The following PTPRK variants were observed in gnomAD, a reference collection of about 807,000 sequenced individuals.
PTPRK encodes receptor-type tyrosine-protein phosphatase kappa.
Under a neutral mutation model 178.0 loss-of-function variants are expected in PTPRK, and 75 were observed. The observed-to-expected ratio is 0.42, with a 90% confidence interval of 0.35 to 0.51. The LOEUF is 0.51. Ranked by LOEUF, PTPRK falls within the 20% of genes least tolerant of loss-of-function variation. The pLI is 0.02. For missense variants in PTPRK, 1,441 were observed against 1,797.8 expected (o/e 0.80, Z 3.59); for synonymous variants, 637 against 620.6 (o/e 1.03, Z -0.39).
intron 3 of PTPRK, among the ~76,000 whole-genome samples, chr6:128,316,860 G>A (rs1285579610): frequency 6.6e-6 from 1 of 151,816 alleles, no homozygotes; most frequent in Non-Finnish European, 1.5e-5. Flanking sequence ...GGGATTACAG[G>A]CACCCGCCAC....
chr6:128,172,646 T>A (rs931713820), intron 7 of PTPRK, among the ~76,000 whole-genome samples: 39 of 150,894 alleles, frequency 2.6e-4, no homozygotes, highest in African/African-American at 9.6e-4. Flanking sequence ...ATATATATAA[T>A]GTGTATATAT....
At chr6:128,104,020 G>A (rs1375874693) in intron 7 of PTPRK, among the ~76,000 whole-genome samples, 6 of 152,116 alleles carry the variant, frequency 3.9e-5, no homozygotes, top group Non-Finnish European at 7.4e-5. Context: ...CCCAAGCAGG[G>A]CCTTTGTACC....
intron 1 of PTPRK, among the ~76,000 whole-genome samples, chr6:128,493,478 C>T (rs764366429): frequency 1.3e-5 from 2 of 151,454 alleles, no homozygotes; most frequent in East Asian, 2.0e-4. Flanking sequence ...AGGAGAATGG[C>T]GTGAACCCGG....
intron 6 of PTPRK, among the ~76,000 whole-genome samples, chr6:128,194,620 A>G (rs754059844): frequency 2.0e-5 from 3 of 152,226 alleles, no homozygotes; most frequent in Non-Finnish European, 2.9e-5. Context: ...AATAACAATC[A>G]AGTCAGCAAT....
chr6:128,322,279 G>A lies in PTPRK; in HGVS notation c.255C>T (p.His85=), dbSNP rs147417188. Residue 85 remains histidine (H), a synonymous_variant, in exon 3 of 30, where the codon CAC becomes CAT. Coordinates refer to ENST00000368226, the MANE Select transcript of PTPRK (RefSeq NM_002844.4). ...GAAGTCTGGCTTTTTCTCCAGGGTC[G>A]TGATCTGAAGAGTCCACTATCATAT... is the stretch of plus-strand genomic sequence containing the variant. The part of the protein sequence containing the change: ...GSYMIVDSSD[H]DPGEKARLQL... The A allele has an allele frequency of 2.4e-5, 38 of 1,599,690 alleles. No individual in the cohort carries two copies. The highest frequency in any genetic ancestry group is 4.5e-5 in the East Asian group (2 of 44,796).
intron 2 of PTPRK, among the ~76,000 whole-genome samples, chr6:128,342,324 A>C (rs893594259): frequency 6.6e-6 from 1 of 152,172 alleles, no homozygotes; most frequent in Non-Finnish European, 1.5e-5. Context: ...AAAAATTTTT[A>C]AGTTATAGAA....
intron 21 of PTPRK, 128 bp from the exon 22 acceptor site, chr6:127,986,003 C>T: frequency 1.2e-6 from 1 of 829,658 alleles, no homozygotes; most frequent in Non-Finnish European, 1.7e-6. Context: ...AAGACTATGC[C>T]TTTTCTTAAA....
chr6:128,107,756 C>T (rs1461933066), intron 7 of PTPRK, among the ~76,000 whole-genome samples: 1 of 152,078 alleles, frequency 6.6e-6, no homozygotes, highest in Non-Finnish European at 1.5e-5. Flanking sequence ...TGAAGATTTT[C>T]AAGTGTCTCT....
chr6:128,404,618 T>C (rs1841436183), intron 1 of PTPRK, among the ~76,000 whole-genome samples: 1 of 152,212 alleles, frequency 6.6e-6, no homozygotes, highest in Non-Finnish European at 1.5e-5. Context: ...CAAGTTGGAA[T>C]TCAAAAATAA....
intron 14 of PTPRK, chr6:128,005,909 T>C (rs1290406696): frequency 2.2e-5 from 15 of 691,288 alleles, no homozygotes; most frequent in Non-Finnish European, 3.3e-5. Flanking sequence ...TTTTAGAGTC[T>C]GAAAAAACTT....
At chr6:128,245,013 GATA>G (rs1815196189) in intron 3 of PTPRK, among the ~76,000 whole-genome samples, 1 of 152,158 alleles carries the variant, frequency 6.6e-6, no homozygotes, top group African/African-American at 2.4e-5. Context: ...TGACTGGGCT[GATA>G]ATAAGTTACA....
intron 3 of PTPRK, among the ~76,000 whole-genome samples, chr6:128,297,633 C>T (rs1195834902): frequency 6.6e-6 from 1 of 152,086 alleles, no homozygotes; most frequent in Non-Finnish European, 1.5e-5. Context: ...CTACTGGGTA[C>T]ATAACAAAAT....
intron 13 of PTPRK, among the ~76,000 whole-genome samples, chr6:128,030,972 A>C (rs1374615202): frequency 6.6e-6 from 1 of 152,240 alleles, no homozygotes; most frequent in Non-Finnish European, 1.5e-5. Flanking sequence ...AAATTACACT[A>C]AATGACATGA....
chr6:127,976,510 C>A, intron 27 of PTPRK, 147 bp downstream of exon 27: 1 of 992,800 alleles, frequency 1.0e-6, no homozygotes, highest in South Asian at 1.7e-5. Flanking sequence ...TATTCGAGTA[C>A]TAAGGCATAA....
At chr6:128,352,635 T>C (rs189754324) in intron 2 of PTPRK, among the ~76,000 whole-genome samples, 56 of 152,260 alleles carry the variant, frequency 3.7e-4, no homozygotes, top group African/African-American at 1.3e-3. Flanking sequence ...CATGTGGAGT[T>C]CCCTCTGCAT....
chr6:128,108,112 AC>A (rs1210300506), intron 7 of PTPRK, among the ~76,000 whole-genome samples: 1 of 149,832 alleles, frequency 6.7e-6, no homozygotes, highest in Non-Finnish European at 1.5e-5. Flanking sequence ...ACACACACAC[AC>A]ACACAAATTT....
intron 6 of PTPRK, among the ~76,000 whole-genome samples, chr6:128,195,874 T>C (rs1409658713): frequency 6.6e-6 from 1 of 152,176 alleles, no homozygotes; most frequent in Non-Finnish European, 1.5e-5. Context: ...ATATATTTAT[T>C]CAGGGACATC....
chr6:128,322,041 G>T lies in PTPRK; in HGVS notation c.493C>A (p.Gln165Lys). 6.2e-7 allele frequency: 1 copy of T among 1,613,844 alleles called. No individual in the cohort carries two copies. The highest frequency in any genetic ancestry group is 8.5e-7 in the Non-Finnish European group (1 of 1,179,878). Residue 165 changes from glutamine (Q) to lysine (K), a missense_variant and splice_region_variant, in exon 3 of 30, where the codon CAG becomes AAG. Transcript: ENST00000368226. The part of the protein sequence containing the change: ...AVSTFWPNEY[Q>K]VIFEAEVSGG... ...ACCAGAAAAGTACAGATGATTACCTGATATTCATTGGGCCAAAAGGTGCTC... is the reference window on the plus strand; with the variant it reads ...ACCAGAAAAGTACAGATGATTACCTTATATTCATTGGGCCAAAAGGTGCTC...
chr6:128,363,976 A>G (rs1044054883), intron 2 of PTPRK, among the ~76,000 whole-genome samples: 1 of 152,148 alleles, frequency 6.6e-6, no homozygotes, highest in African/African-American at 2.4e-5. Context: ...CTTCAAAAGT[A>G]GAAGGAATAG....
Sources: allele counts gnomAD v4.1 joint callset (sites outside exome capture counted in the v4.1 genomes callset), GRCh38; gene constraint gnomAD v4.1.1; transcripts MANE v1.5; gene names NCBI Gene and HGNC (gene_info 2026-07-23, HGNC 2026-07-21).